The following ADGRV1 variants were observed in gnomAD, a reference collection of about 807,000 sequenced individuals.
The protein encoded by ADGRV1 is adhesion G protein-coupled receptor V1, also known as G-protein coupled receptor 98.
ADGRV1 carries 359 observed loss-of-function variants against 596.2 expected under a neutral mutation model. The observed-to-expected ratio is 0.60, with a 90% CI of 0.55 to 0.66. The LOEUF is 0.66. Among genes scored for constraint, ADGRV1 ranks in the 30% least tolerant of loss-of-function variants. The probability of loss-of-function intolerance (pLI) is 0.00; values close to 1 mark genes in which losing one functional copy is unlikely to be tolerated. For missense variants in ADGRV1, 7,274 were observed against 7,575.6 expected (o/e 0.96, Z 1.48); for synonymous variants, 2,681 against 2,679.2 (o/e 1.00, Z -0.02).
At chr5:90,661,869 G>T (rs1439451155) in intron 21 of ADGRV1, among the ~76,000 whole-genome samples, 1 of 152,058 alleles carries the variant, frequency 6.6e-6, no homozygotes, top group Non-Finnish European at 1.5e-5. Flanking sequence ...TATTTTCTAT[G>T]TCTTATGCAT....
intron 85 of ADGRV1, among the ~76,000 whole-genome samples, chr5:91,026,308 A>G (rs1327235677): frequency 1.3e-5 from 2 of 152,168 alleles, no homozygotes; most frequent in African/African-American, 4.8e-5. Flanking sequence ...GGCATAAAAC[A>G]ATGCCTTTCA....
chr5:90,778,357 A>T (rs1758475141), intron 62 of ADGRV1, 70 bp from the exon 63 acceptor site: 2 of 1,305,606 alleles, frequency 1.5e-6, no homozygotes, highest in Non-Finnish European at 2.2e-6. Flanking sequence ...TGTTGTTATT[A>T]TTTAGAGGTT....
chr5:90,847,803 G>A (rs1015854115), intron 78 of ADGRV1, among the ~76,000 whole-genome samples: 13 of 152,206 alleles, frequency 8.5e-5, no homozygotes, highest in Non-Finnish European at 1.3e-4. Context: ...CCCGGAACTC[G>A]CGCTGGCCCT....
chr5:90,764,991 G>A (rs915573849), intron 59 of ADGRV1, among the ~76,000 whole-genome samples: 2 of 152,060 alleles, frequency 1.3e-5, no homozygotes, highest in East Asian at 3.9e-4. Flanking sequence ...GATTGTCAGA[G>A]GAGTGAGGGG....
chr5:90,603,523 C>G (rs547670944), intron 1 of ADGRV1, among the ~76,000 whole-genome samples: 1 of 152,130 alleles, frequency 6.6e-6, no homozygotes, highest in East Asian at 1.9e-4. Context: ...TGGATTCCCT[C>G]CCCTGGGCCT....
In ADGRV1 at chr5:90,651,609, A is replaced by G. The variant is rs61754947; in HGVS notation, c.3295A>G (p.Thr1099Ala). 686 of 1,563,782 alleles carry G rather than the reference A, an allele frequency of 4.4e-4. 7 individuals are homozygous for G. The African/African-American group carries it at 8.6e-3, about 20-fold the overall frequency. The change falls in exon 18 of 90, where the codon ACA becomes GCA. Residue 1099 changes from threonine (T) to alanine (A), a missense_variant. Around this residue, in one of 5 missense-constraint regions of ADGRV1, gnomAD observed 1,715 missense variants for 1,708.8 expected, o/e 1.00. Coordinates refer to ENST00000405460, the MANE Select transcript of ADGRV1 (RefSeq NM_032119.4). ...CTTTTCCACTTTTAATTTAGGTGATACAGTAGTATATCAATATGGAGTAGC... is the reference window on the plus strand; with the variant it reads ...CTTTTCCACTTTTAATTTAGGTGATGCAGTAGTATATCAATATGGAGTAGC... Reference protein sequence around the residue: ...YIILLNSTGDTVVYQYGVATV... With the variant: ...YIILLNSTGDAVVYQYGVATV...
intron 83 of ADGRV1, among the ~76,000 whole-genome samples, chr5:90,955,742 T>C (rs887793960): frequency 2.0e-5 from 3 of 152,208 alleles, no homozygotes; most frequent in Non-Finnish European, 4.4e-5. Context: ...GTCAACTTTA[T>C]GTTGGATAAA....
chr5:90,594,507 A>AATTG (rs375841356), intron 1 of ADGRV1, among the ~76,000 whole-genome samples: 63 of 97,396 alleles, frequency 6.5e-4, no homozygotes, highest in African/African-American at 1.2e-3. Context: ...TTTTTTTTTT[A>AATTG]ATCATTCTTG....
intron 78 of ADGRV1, among the ~76,000 whole-genome samples, chr5:90,841,742 A>G (rs917880714): frequency 2.6e-5 from 4 of 152,226 alleles, no homozygotes; most frequent in Non-Finnish European, 5.9e-5. Flanking sequence ...CATACCCATG[A>G]ATGTATAATT....
intron 67 of ADGRV1, among the ~76,000 whole-genome samples, chr5:90,785,340 C>T (rs1163414106): frequency 6.6e-6 from 1 of 152,126 alleles, no homozygotes; most frequent in Non-Finnish European, 1.5e-5. Flanking sequence ...AGGACATAGG[C>T]GTGGGCAAGG....
chr5:90,665,952 A>G (rs1771285557), intron 21 of ADGRV1, among the ~76,000 whole-genome samples: 1 of 149,324 alleles, frequency 6.7e-6, no homozygotes, highest in Non-Finnish European at 1.5e-5. Context: ...CCTGAGTTCT[A>G]GTTTGATTGC....
chr5:91,071,326 A>T (rs900739315), intron 85 of ADGRV1, among the ~76,000 whole-genome samples: 1 of 152,138 alleles, frequency 6.6e-6, no homozygotes, highest in Non-Finnish European at 1.5e-5. Flanking sequence ...ATAAATCCTG[A>T]TGGCATTCTT....
chr5:90,712,533 T>A, intron 42 of ADGRV1, 105 bp downstream of exon 42: 3 of 850,488 alleles, frequency 3.5e-6, no homozygotes, highest in Non-Finnish European at 5.4e-6. Flanking sequence ...TTTCTGTGCT[T>A]AAAATGAGAA....
rs548547444 is a variant in ADGRV1, at chr5:91,079,798, A to G, written c.18310+7194A>G. ...ACAAAGGTAATCCCCAACTCTGGCTATTTCAGTACTAAACTATTATGTTTA... is the reference window on the plus strand; with the variant it reads ...ACAAAGGTAATCCCCAACTCTGGCTGTTTCAGTACTAAACTATTATGTTTA... On this transcript the variant is annotated intron_variant, in intron 86 of 89. Coordinates refer to ENST00000405460, the MANE Select transcript of ADGRV1 (RefSeq NM_032119.4). 3.9e-5 allele frequency among the ~76,000 whole-genome samples: 6 copies of G among 152,212 alleles called. No individual in the cohort carries two copies. In the East Asian group the frequency reaches 5.8e-4, roughly 15 times the overall value.
intron 70 of ADGRV1, among the ~76,000 whole-genome samples, chr5:90,796,062 C>T (rs1258553547): frequency 6.6e-6 from 1 of 152,166 alleles, no homozygotes; most frequent in African/African-American, 2.4e-5. Context: ...AACCAGAACG[C>T]TGCTTCTCCT....
At position 90,705,524 on chromosome 5, in the gene ADGRV1, A is replaced by G. The variant is rs921181905; in HGVS notation, c.8511A>G (p.Leu2837=). 8 of 1,613,924 alleles carry G rather than the reference A, an allele frequency of 5.0e-6. No homozygotes were observed. The highest frequency in any genetic ancestry group is 2.2e-5 in the South Asian group (2 of 91,084). The change falls in exon 37 of 90, where the codon CTA becomes CTG. Residue 2837 remains leucine (L), a synonymous_variant. Transcript: ENST00000405460. ...NFALSSRFVL[L]QEANITIQLF... ...CTCTTTCATCAAGATTTGTGTTACT[A>G]CAAGAGGCTAACATAACAATTCAGC...
At chr5:91,125,122 G>C (rs1420023285) in intron 87 of ADGRV1, among the ~76,000 whole-genome samples, 1 of 152,108 alleles carries the variant, frequency 6.6e-6, no homozygotes, top group Non-Finnish European at 1.5e-5. Context: ...GTGGACAGAG[G>C]GGAAGTCACA....
intron 83 of ADGRV1, among the ~76,000 whole-genome samples, chr5:90,939,320 G>A (rs1775976391): frequency 6.6e-6 from 1 of 152,148 alleles, no homozygotes; most frequent in African/African-American, 2.4e-5. Flanking sequence ...TAGGGTATTA[G>A]TTTTCACTGA....
chr5:90,674,622 AT>A (rs1157922400), intron 23 of ADGRV1: 1 of 155,870 alleles, frequency 6.4e-6, no homozygotes, highest in Non-Finnish European at 1.4e-5. Flanking sequence ...CTCTATATTA[AT>A]TTCTTTTTGT....
Sources: allele counts gnomAD v4.1 joint callset (sites outside exome capture counted in the v4.1 genomes callset), GRCh38; gene constraint gnomAD v4.1.1; regional missense constraint gnomAD v4.1.1; transcripts MANE v1.5; gene names NCBI Gene and HGNC (gene_info 2026-07-23, HGNC 2026-07-21).